ZC3HC1: variants seen among roughly 807,000 people sequenced by gnomAD.
ZC3HC1 encodes zinc finger C3HC-type protein 1.
Under a neutral mutation model 61.9 loss-of-function variants are expected in ZC3HC1, and 38 were observed. That is an observed-to-expected ratio of 0.61 (90% CI 0.47 to 0.81). The LOEUF is 0.81. Ranked by LOEUF, ZC3HC1 falls within the 30% of genes least tolerant of loss-of-function variation. The pLI, the probability that ZC3HC1 is intolerant of heterozygous loss-of-function variation, is 0.00. For synonymous variants in ZC3HC1, 213 were observed against 229.9 expected, an observed-to-expected ratio of 0.93 and a Z score of 0.67; for missense variants, 554 against 622.7, an observed-to-expected ratio of 0.89 and a Z score of 1.17.
chr7:130,034,205 G>GCACTTA, intron 4 of ZC3HC1, among the ~76,000 whole-genome samples: 1 of 148,890 alleles, frequency 6.7e-6, no homozygotes, highest in Non-Finnish European at 1.5e-5. Context: ...GACAGGGTCG[G>GCACTTA]CAGGGCATTT....
intron 9 of ZC3HC1, among the ~76,000 whole-genome samples, chr7:130,020,301 C>T (rs1393658851): frequency 1.4e-5 from 2 of 144,518 alleles, no homozygotes; most frequent in Admixed American, 7.0e-5. Context: ...GAAAGGGAGT[C>T]TCACTCTGTT....
Position 130,020,274 on chromosome 7 carries a change from C to CT in ZC3HC1, c.1441-1543dup, listed in dbSNP as rs531130416. On this transcript the variant is annotated intron_variant, in intron 9 of 9. Transcript: ENST00000358303. ...TTGAAAAAATAGTATACACTTTTTT[C>CT]TTTTTTTTTTTTTTTTGAAAGGGAG... Among the ~76,000 whole-genome samples, 318 of 134,626 alleles carry CT rather than the reference C, an allele frequency of 2.4e-3. 2 individuals carry two copies. The highest frequency in any genetic ancestry group is 9.4e-3 in the South Asian group (39 of 4,160). The allele number at this position is 134,626 out of a possible 152,430, so 88.3% of individuals were successfully genotyped here.
rs755191823 is a variant in ZC3HC1 at position 130,022,430 on chromosome 7, A to G, written c.1329T>C (p.Asn443=). ...CGCTGGCATCTGGTTCAGTTCCACC[A>G]TTCTCCCTGCTTTCTTTGCCAAGTG... ...NITLGKESRE[N]GGTEPDASAP... is the part of the protein sequence containing the mutation. The change falls in exon 9 of 10, where the codon AAT becomes AAC. Residue 443 remains asparagine, a synonymous_variant. Transcript: ENST00000358303. 6.2e-7 allele frequency: 1 copy of G among 1,612,270 alleles called. No homozygotes were observed. Among genetic ancestry groups the G allele is most frequent in the Non-Finnish European group, 8.5e-7 (1 of 1,179,054 alleles).
Position 130,023,465 on chromosome 7 carries a change from ATATGCTGTT to A in ZC3HC1, c.1233+37_1233+45del. ...CTCCATGCTGCCTAGGGAGGGCCCA[ATATGCTGTT>A]TATGCTCAGCCACTGCTACATGCGA... On this transcript the variant is annotated intron_variant, in intron 8 of 9. Transcript: ENST00000358303. This position sits in a 1 kb window ranked among gnomAD's most constrained non-coding sequence, Gnocchi z 4.2. 6.3e-7 allele frequency: 1 copy of A among 1,592,756 alleles called. No homozygotes were observed. Among genetic ancestry groups the A allele is most frequent in the Non-Finnish European group, 8.6e-7 (1 of 1,163,794 alleles).
At chr7:130,026,107 T>G (rs1793894101) in intron 6 of ZC3HC1, 51 bp downstream of exon 6, 1 of 1,581,614 alleles carries the variant, frequency 6.3e-7, no homozygotes, top group African/African-American at 1.3e-5. Context: ...TATATATGGG[T>G]GTAATGCTGT....
rs11556924 is a variant in ZC3HC1 at position 130,023,656 on chromosome 7, C to A, written c.1088G>T (p.Arg363Leu). 2.5e-6 allele frequency: 4 copies of A among 1,613,860 alleles called. No individual in the cohort carries two copies. Among genetic ancestry groups the A allele is most frequent in the Middle Eastern group, 1.6e-4 (1 of 6,062 alleles). Reference protein sequence around the residue: ...RSWDSSSPVDRPEPEAASPTT... With the variant: ...RSWDSSSPVDLPEPEAASPTT... ...GGGGCTAGCAGCCTCTGGCTCAGGA[C>A]GGTCAACAGGACTGGAAGAGTCCCA... is the stretch of plus-strand genomic sequence containing the variant. Residue 363 changes from arginine to leucine, a missense_variant, in exon 8 of 10, where the codon CGT (arginine) becomes CTT (leucine). Transcript: ENST00000358303. This position sits in a 1 kb window ranked among gnomAD's most constrained non-coding sequence, Gnocchi z 4.2.
In ZC3HC1 at chr7:130,038,814, C is replaced by T. The variant is rs147360562; in HGVS notation, c.493+650G>A. On this transcript the variant is annotated intron_variant, in intron 4 of 9. Transcript: ENST00000358303. ...GGTGGAGGCTGCAGTGAGTTGAGATCGTGCCACCTCACTGCAGCCTGGGTG... is the reference window on the plus strand; with the variant it reads ...GGTGGAGGCTGCAGTGAGTTGAGATTGTGCCACCTCACTGCAGCCTGGGTG... 7.9e-3 allele frequency among the ~76,000 whole-genome samples: 1,087 copies of T among 138,198 alleles called. 12 individuals carry two copies. The highest frequency in any genetic ancestry group is 0.027 in the African/African-American group (1,030 of 37,734). 90.7% of individuals were successfully genotyped at this position (138,198 alleles called of 152,430 possible).
At chr7:130,024,894 CTTTTTTTTT>C (rs544256735) in intron 6 of ZC3HC1, among the ~76,000 whole-genome samples, 30 of 37,124 alleles carry the variant, frequency 8.1e-4, no homozygotes, top group Non-Finnish European at 1.2e-3. Flanking sequence ...TCCTGTCCCT[CTTTTTTTTT>C]TTTTTTTTTT....
chr7:130,039,438 G>GTTCACC, intron 4 of ZC3HC1, 26 bp downstream of exon 4: 1 of 1,578,674 alleles, frequency 6.3e-7, no homozygotes, highest in East Asian at 2.2e-5. Flanking sequence ...GAAAAATGGT[G>GTTCACC]AACAGGAATT....
chr7:130,039,341 T>A (rs773932836), intron 4 of ZC3HC1, 123 bp downstream of exon 4: 80 of 826,568 alleles, frequency 9.7e-5, no homozygotes, highest in Admixed American at 3.0e-4. Context: ...TGAAACTCCA[T>A]CTCAAAAAAA....
rs1157164438 is a variant in ZC3HC1, at chr7:130,041,098, A to G, written c.262T>C (p.Leu88=). Residue 88 remains leucine, a synonymous_variant, in exon 3 of 10, where the codon TTG becomes CTG. Coordinates refer to ENST00000358303, the MANE Select transcript of ZC3HC1 (RefSeq NM_016478.5). Reference sequence around the variant, plus strand: ...TCAAAGGGCTTACCTGCCCATTTCAAAGAGTATCCATGTTAAGAAAAACAA... The same window carrying G: ...TCAAAGGGCTTACCTGCCCATTTCAGAGAGTATCCATGTTAAGAAAAACAA... ...FFSRVETFSS[L]KWAGKPFELS... 3 of 1,610,146 alleles carry G rather than the reference A, an allele frequency of 1.9e-6. No individual in the cohort carries two copies. In the African/African-American group the frequency reaches 4.0e-5, roughly 22 times the overall value.
At chr7:130,026,037 T>C in intron 6 of ZC3HC1, 121 bp downstream of exon 6, 3 of 1,232,830 alleles carry the variant, frequency 2.4e-6, no homozygotes, top group Non-Finnish European at 3.3e-6. Context: ...ACCCAGTTTT[T>C]CTTTGTCTCT....
In ZC3HC1 at chr7:130,049,209, G is replaced by C. The variant is rs142154604; in HGVS notation, c.147-65C>G. 2.3e-3 allele frequency: 2,791 copies of C among 1,189,700 alleles called. 102 individuals carry two copies. The Admixed American group carries it at 0.066, about 28-fold the overall frequency. 73.7% of individuals were successfully genotyped at this position (1,189,700 alleles called of 1,614,324 possible). A position where few individuals can be genotyped will look rare whatever the true frequency, so the allele number is the denominator to read the frequency against. On this transcript the variant is annotated intron_variant, in intron 1 of 9. Transcript: ENST00000358303. Reference sequence around the variant, plus strand: ...GTACCCTCTGCTTAAATGTTATCTAGCTTCTCTACACATCGTATCATAAAT... The same window carrying C: ...GTACCCTCTGCTTAAATGTTATCTACCTTCTCTACACATCGTATCATAAAT...
At chr7:130,040,860 C>A (rs1382078219) in intron 3 of ZC3HC1, 91 bp downstream of exon 3, 7 of 1,296,600 alleles carry the variant, frequency 5.4e-6, no homozygotes, top group East Asian at 5.1e-5. Context: ...ATTTTTTGAT[C>A]AAACTAAAAT....
intron 4 of ZC3HC1, among the ~76,000 whole-genome samples, chr7:130,032,403 T>G (rs919118163): frequency 7.3e-5 from 11 of 151,206 alleles, no homozygotes; most frequent in Non-Finnish European, 1.3e-4. Flanking sequence ...CCTAACATTT[T>G]GGGAGGCTGA....
chr7:130,045,015 CTG>C (rs1278519953), intron 2 of ZC3HC1, among the ~76,000 whole-genome samples: 2 of 152,166 alleles, frequency 1.3e-5, no homozygotes, highest in African/African-American at 4.8e-5. Flanking sequence ...ACTAAATGTA[CTG>C]TGTGATTCTC....
rs772503204 is a variant in ZC3HC1, at chr7:130,022,343, G to A, written c.1416C>T (p.Ser472=). ...LTILLAHKQS[S]QPAETDSMSL... is the part of the protein sequence containing the mutation. The stretch of plus-strand genomic sequence containing the variant: ...CCATGGAGTCCGTTTCAGCTGGCTG[G>A]CTAGACTGTTTGTGCGCCAAGAGGA... The change falls in exon 9 of 10, where the codon AGC becomes AGT. Residue 472 remains serine, a synonymous_variant. Coordinates refer to ENST00000358303, the MANE Select transcript of ZC3HC1 (RefSeq NM_016478.5). The A allele has an allele frequency of 1.9e-6, 3 of 1,614,050 alleles. No homozygotes were observed. The South Asian group carries it at 3.3e-5, about 18-fold the overall frequency.
At chr7:130,046,156 T>G (rs1794857484) in intron 2 of ZC3HC1, among the ~76,000 whole-genome samples, 1 of 150,802 alleles carries the variant, frequency 6.6e-6, no homozygotes, top group African/African-American at 2.4e-5. Flanking sequence ...GAGGTGGGAG[T>G]TGGGGGAGGG....
At chr7:130,042,618 T>C (rs932264745) in intron 2 of ZC3HC1, among the ~76,000 whole-genome samples, 3 of 152,214 alleles carry the variant, frequency 2.0e-5, no homozygotes, top group South Asian at 2.1e-4. Context: ...TCTGTAAGTA[T>C]GTATTTGGAA....
Sources: gnomAD v4.1 joint callset for allele counts (sites outside exome capture counted in the v4.1 genomes callset) on GRCh38, gnomAD v4.1.1 for gene constraint, Gnocchi (gnomAD v3.1) non-coding constraint, MANE v1.5 for transcripts, NCBI Gene and HGNC (gene_info 2026-07-23, HGNC 2026-07-21) for gene names.